Variants in L3MBTL3 observed in about 807,000 individuals in gnomAD.
L3MBTL3 encodes lethal(3)malignant brain tumor-like protein 3.
A neutral mutation model predicts 102.3 loss-of-function variants in L3MBTL3; 27 were observed. The observed-to-expected ratio is 0.26, with a 90% CI of 0.19 to 0.36. L3MBTL3 has a LOEUF of 0.36. Ranked by LOEUF, L3MBTL3 falls within the 10% of genes least tolerant of loss-of-function variation. The pLI is 1.00. For missense variants in L3MBTL3, 798 were observed against 955.3 expected (o/e 0.84, Z 2.17); for synonymous variants, 340 against 320.9 (o/e 1.06, Z -0.64).
chr6:130,081,175 A>G (rs1189508288), intron 14 of L3MBTL3, among the ~76,000 whole-genome samples: 1 of 152,224 alleles, frequency 6.6e-6, no homozygotes, highest in Non-Finnish European at 1.5e-5. Context: ...CAAATTATAC[A>G]TTAATGCATG....
At chr6:130,113,381 A>G (rs1341181477) in intron 19 of L3MBTL3, among the ~76,000 whole-genome samples, 1 of 152,234 alleles carries the variant, frequency 6.6e-6, no homozygotes, top group East Asian at 1.9e-4. Context: ...ATGTGTTATT[A>G]GTTGGGAAAC....
intron 15 of L3MBTL3, among the ~76,000 whole-genome samples, chr6:130,084,634 C>G (rs1783563995): frequency 6.6e-6 from 1 of 152,174 alleles, no homozygotes; most frequent in Admixed American, 6.5e-5. Flanking sequence ...ATCTCCCACC[C>G]TTTAACTTTA....
intron 2 of L3MBTL3, among the ~76,000 whole-genome samples, chr6:130,036,261 C>T (rs1195103927): frequency 1.3e-5 from 2 of 152,104 alleles, no homozygotes; most frequent in Non-Finnish European, 2.9e-5. Context: ...GGCTGTTCTG[C>T]CTCATTAATA....
intron 20 of L3MBTL3, among the ~76,000 whole-genome samples, chr6:130,122,012 C>T (rs952514326): frequency 2.0e-5 from 3 of 152,214 alleles, no homozygotes; most frequent in African/African-American, 7.2e-5. Context: ...CACCATTGCA[C>T]TCTAGTCTGA....
intron 12 of L3MBTL3, among the ~76,000 whole-genome samples, chr6:130,070,216 A>G (rs2114997389): frequency 6.6e-6 from 1 of 152,292 alleles, no homozygotes; most frequent in African/African-American, 2.4e-5. Flanking sequence ...GTAGAGATAG[A>G]TAGATTAAGA....
intron 19 of L3MBTL3, among the ~76,000 whole-genome samples, chr6:130,113,763 C>T (rs987879838): frequency 5.3e-5 from 8 of 152,134 alleles, no homozygotes; most frequent in Non-Finnish European, 1.0e-4. Context: ...ATTTTTAGCA[C>T]GAATCCAATT....
chr6:130,059,943 T>A lies in L3MBTL3; in HGVS notation c.760-93T>A. 8 of 653,432 alleles carry A rather than the reference T, an allele frequency of 1.2e-5. No homozygotes were observed. The Admixed American group carries it at 2.2e-4, about 18-fold the overall frequency. 40.5% of individuals were successfully genotyped at this position (653,432 alleles called of 1,614,324 possible). On this transcript the variant is annotated intron_variant, in intron 9 of 22. Coordinates refer to ENST00000361794, the MANE Select transcript of L3MBTL3 (RefSeq NM_032438.4). Reference sequence around the variant, plus strand: ...GATTTTTAGAAGTTATGTATTTGGTTAAATAGTCTTTATTTTTAAAATGGT... The same window carrying A: ...GATTTTTAGAAGTTATGTATTTGGTAAAATAGTCTTTATTTTTAAAATGGT...
chr6:130,098,257 A>G (rs866300512), intron 18 of L3MBTL3, among the ~76,000 whole-genome samples: 1 of 152,200 alleles, frequency 6.6e-6, no homozygotes, highest in South Asian at 2.1e-4. Flanking sequence ...TGCAAGCTGT[A>G]AACATCATAT....
chr6:130,078,611 G>A lies in L3MBTL3; in HGVS notation c.1298G>A (p.Arg433Lys), dbSNP rs758651675. 17 of 1,609,176 alleles carry A rather than the reference G, an allele frequency of 1.1e-5. No homozygotes were observed. The highest frequency in any genetic ancestry group is 8.5e-7 in the Non-Finnish European group (1 of 1,176,176). The change falls in exon 14 of 23, where the codon AGA becomes AAA. Residue 433 changes from arginine (R) to lysine (K), a missense_variant. Transcript: ENST00000361794. ...IHPVGWCKEHRRTLITPPGYP... is the reference protein window; with the variant it reads ...IHPVGWCKEHKRTLITPPGYP... ...CCAGTTGGTTGGTGTAAGGAACATAGAAGAACCCTTATTACTCCACCAGGT... is the reference window on the plus strand; with the variant it reads ...CCAGTTGGTTGGTGTAAGGAACATAAAAGAACCCTTATTACTCCACCAGGT...
chr6:130,073,209 C>A (rs1474790484), intron 13 of L3MBTL3, among the ~76,000 whole-genome samples: 1 of 152,108 alleles, frequency 6.6e-6, no homozygotes, highest in Non-Finnish European at 1.5e-5. Flanking sequence ...GAGTTTGAGA[C>A]CAGCCTGGTC....
chr6:130,038,780 C>A (rs1780222776), intron 2 of L3MBTL3, among the ~76,000 whole-genome samples: 1 of 151,876 alleles, frequency 6.6e-6, no homozygotes, highest in African/African-American at 2.4e-5. Context: ...TTCGTATAAT[C>A]CCAGTTGTCT....
intron 20 of L3MBTL3, among the ~76,000 whole-genome samples, chr6:130,124,612 A>ATT (rs1342781714): frequency 2.6e-5 from 4 of 152,156 alleles, no homozygotes; most frequent in Non-Finnish European, 5.9e-5. Flanking sequence ...CTTCTGCTTC[A>ATT]TTTGTATCTT....
chr6:130,137,019 T>G (rs7756626), intron 22 of L3MBTL3, among the ~76,000 whole-genome samples: 4,026 of 152,294 alleles, frequency 0.026, 195 homozygotes, highest in African/African-American at 0.092. Flanking sequence ...CCACAAAAAG[T>G]TTTTTGCTTG....
At chr6:130,110,188 T>C (rs1785263969) in intron 19 of L3MBTL3, among the ~76,000 whole-genome samples, 12 of 152,250 alleles carry the variant, frequency 7.9e-5, no homozygotes, top group Admixed American at 7.2e-4. Context: ...TGGACTCTTC[T>C]TTGGTTCCAT....
At chr6:130,051,762 T>C (rs1202970736) in intron 6 of L3MBTL3, among the ~76,000 whole-genome samples, 1 of 152,268 alleles carries the variant, frequency 6.6e-6, no homozygotes, top group Non-Finnish European at 1.5e-5. Context: ...GTTTTGTTTA[T>C]ATTTTGGGAA....
intron 9 of L3MBTL3, among the ~76,000 whole-genome samples, chr6:130,058,149 C>CAAAAAAAAA (rs61250078): frequency 4.0e-4 from 36 of 89,136 alleles, no homozygotes; most frequent in African/African-American, 9.8e-4. Context: ...GACTCCGTCT[C>CAAAAAAAAA]AAAAAAAAAA....
intron 19 of L3MBTL3, among the ~76,000 whole-genome samples, chr6:130,115,142 T>C (rs1175235153): frequency 6.6e-6 from 1 of 152,166 alleles, no homozygotes; most frequent in Non-Finnish European, 1.5e-5. Flanking sequence ...TCTTCCCCGC[T>C]TGTTACTGGG....
At chr6:130,068,551 T>C in intron 12 of L3MBTL3, 130 bp downstream of exon 12, 1 of 535,366 alleles carries the variant, frequency 1.9e-6, no homozygotes, top group South Asian at 3.1e-5. Context: ...ACTCTTATCT[T>C]AATTAAAGTT....
In L3MBTL3 at chr6:130,071,047, C is replaced by A. The variant is rs772014476; in HGVS notation, c.1164C>A (p.Ile388=). 6.2e-7 allele frequency: 1 copy of A among 1,613,248 alleles called. No individual in the cohort carries two copies. Among genetic ancestry groups the A allele is most frequent in the Non-Finnish European group, 8.5e-7 (1 of 1,179,396 alleles). ...TAGACAAAAAGAATCCCTCATTCAT[C>A]TGTGTTGCTACGGTAACAGATATGG... The part of the protein sequence containing the change: ...EAVDKKNPSF[I]CVATVTDMVD... The change falls in exon 13 of 23, where the codon ATC becomes ATA. Residue 388 remains isoleucine (I), a synonymous_variant. Coordinates refer to ENST00000361794, the MANE Select transcript of L3MBTL3 (RefSeq NM_032438.4).
Sources: allele counts gnomAD v4.1 joint callset (sites outside exome capture counted in the v4.1 genomes callset), GRCh38; gene constraint gnomAD v4.1.1; transcripts MANE v1.5; gene names NCBI Gene and HGNC (gene_info 2026-07-23, HGNC 2026-07-21).